Variants in LMX1A observed in about 807,000 individuals in gnomAD.
The protein encoded by LMX1A is LIM homeobox transcription factor 1-alpha.
In LMX1A, 15 loss-of-function variants were observed where a neutral mutation model predicts 49.1. That is an observed-to-expected ratio of 0.31 (90% CI 0.20 to 0.47). LMX1A has a LOEUF of 0.47. LMX1A is among the 20% of genes least tolerant of loss of function. The pLI is 1.00. For missense variants in LMX1A, 372 were observed against 475.8 expected (o/e 0.78, Z 2.03); for synonymous variants, 167 against 185.7 (o/e 0.90, Z 0.82).
In LMX1A at chr1:165,304,703, C is replaced by T. The variant is rs570853675; in HGVS notation, c.263+48373G>A. ...CCAAGGATCTCCATGATCTGACCCT[C>T]GTTGCCCTTCCCTGCCTCATCACCT... On this transcript the variant is annotated intron_variant, in intron 3 of 8. Coordinates refer to ENST00000342310, the MANE Select transcript of LMX1A (RefSeq NM_177398.4). 3.9e-4 allele frequency among the ~76,000 whole-genome samples: 60 copies of T among 152,330 alleles called. 1 individual carries two copies. In the South Asian group the frequency reaches 0.011, roughly 28 times the overall value.
intron 3 of LMX1A, among the ~76,000 whole-genome samples, chr1:165,292,434 G>A (rs1436504850): frequency 6.6e-6 from 1 of 152,160 alleles, no homozygotes; most frequent in East Asian, 1.9e-4. Context: ...TGTATCAAAA[G>A]GCAGTGAGGG....
intron 3 of LMX1A, among the ~76,000 whole-genome samples, chr1:165,283,829 C>T (rs1654224780): frequency 6.6e-6 from 1 of 152,212 alleles, no homozygotes; most frequent in Non-Finnish European, 1.5e-5. Flanking sequence ...GTTTTTAACA[C>T]ATCAGGCGGG....
At chr1:165,339,975 C>A (rs942012529) in intron 3 of LMX1A, among the ~76,000 whole-genome samples, 3 of 152,172 alleles carry the variant, frequency 2.0e-5, no homozygotes, top group African/African-American at 7.2e-5. Context: ...CTTTGCCCCC[C>A]ATCTTTTTCT....
At chr1:165,255,372 C>A (rs371885189) in intron 3 of LMX1A, among the ~76,000 whole-genome samples, 1 of 152,228 alleles carries the variant, frequency 6.6e-6, no homozygotes, top group Non-Finnish European at 1.5e-5. Context: ...GCCTTGCTTA[C>A]ATCTCTTCTT....
chr1:165,202,726 C>T lies in LMX1A; in HGVS notation c.*1154G>A, dbSNP rs1271922384. ...CCTTCACCTCCTCCCCACTCTGGGACTCTGGGATCCCTCTGAACTGCTCTG... is the reference window on the plus strand; with the variant it reads ...CCTTCACCTCCTCCCCACTCTGGGATTCTGGGATCCCTCTGAACTGCTCTG... On this transcript the variant is annotated 3_prime_UTR_variant, in exon 9 of 9. Coordinates refer to ENST00000342310, the MANE Select transcript of LMX1A (RefSeq NM_177398.4). 3 of 152,546 alleles carry T rather than the reference C, an allele frequency of 2.0e-5. No individual in the cohort carries two copies. Among genetic ancestry groups the T allele is most frequent in the Non-Finnish European group, 4.4e-5 (3 of 68,232 alleles). The allele number at this position is 152,546 out of a possible 1,614,324, so 9.4% of individuals were successfully genotyped here.
chr1:165,292,111 T>C (rs556873187), intron 3 of LMX1A, among the ~76,000 whole-genome samples: 1 of 146,838 alleles, frequency 6.8e-6, no homozygotes, highest in African/African-American at 2.5e-5. Flanking sequence ...CTGCTCACCA[T>C]GGACTAAGGC....
intron 3 of LMX1A, among the ~76,000 whole-genome samples, chr1:165,325,465 G>A (rs61803174): frequency 0.14 from 916 of 6,662 alleles, 7 homozygotes; most frequent in Middle Eastern, 0.4. Flanking sequence ...ATACATATGT[G>A]TGTGTGTGTG....
chr1:165,333,808 T>C (rs1311107206), intron 3 of LMX1A, among the ~76,000 whole-genome samples: 1 of 152,138 alleles, frequency 6.6e-6, no homozygotes, highest in Admixed American at 6.5e-5. Flanking sequence ...ATGACCGCCC[T>C]GGATCTTGGG....
At chr1:165,252,553 G>GT (rs1355291316) in intron 3 of LMX1A, among the ~76,000 whole-genome samples, 3 of 152,132 alleles carry the variant, frequency 2.0e-5, no homozygotes, top group Non-Finnish European at 2.9e-5. Flanking sequence ...AAATAAAGAG[G>GT]TTTTTTTCTT....
At chr1:165,317,193 T>G (rs1655253121) in intron 3 of LMX1A, among the ~76,000 whole-genome samples, 1 of 151,960 alleles carries the variant, frequency 6.6e-6, no homozygotes, top group Non-Finnish European at 1.5e-5. Context: ...ACAAGGAGAG[T>G]AGAGAGGTGA....
At chr1:165,242,061 G>C (rs1652675232) in intron 4 of LMX1A, among the ~76,000 whole-genome samples, 1 of 152,236 alleles carries the variant, frequency 6.6e-6, no homozygotes, top group African/African-American at 2.4e-5. Context: ...GGAAGTTGAT[G>C]CTTCTTTGCC....
At chr1:165,209,962 G>A (rs1403876129) in intron 6 of LMX1A, among the ~76,000 whole-genome samples, 1 of 152,214 alleles carries the variant, frequency 6.6e-6, no homozygotes, top group Non-Finnish European at 1.5e-5. Context: ...CAGAATTAGA[G>A]GACACCCAGT....
chr1:165,269,836 C>A (rs192256069), intron 3 of LMX1A, among the ~76,000 whole-genome samples: 2 of 152,164 alleles, frequency 1.3e-5, no homozygotes, highest in Admixed American at 1.3e-4. Flanking sequence ...AAGTGGGAGC[C>A]AAACAAGGAG....
At chr1:165,325,638 C>A (rs1655554423) in intron 3 of LMX1A, among the ~76,000 whole-genome samples, 1 of 152,034 alleles carries the variant, frequency 6.6e-6, no homozygotes, top group African/African-American at 2.4e-5. Context: ...TCAATAAAGT[C>A]TCTCTAATTA....
chr1:165,236,449 G>A (rs1571167989), intron 4 of LMX1A, among the ~76,000 whole-genome samples: 1 of 151,796 alleles, frequency 6.6e-6, no homozygotes, highest in African/African-American at 2.4e-5. Flanking sequence ...GAGATGCCGG[G>A]TCAAATACAG....
chr1:165,263,871 G>A (rs930087851), intron 3 of LMX1A, among the ~76,000 whole-genome samples: 1 of 152,134 alleles, frequency 6.6e-6, no homozygotes, highest in Non-Finnish European at 1.5e-5. Flanking sequence ...CTCATCAAAT[G>A]GTAGGATGGT....
chr1:165,266,069 G>A (rs1653610032), intron 3 of LMX1A, among the ~76,000 whole-genome samples: 1 of 152,148 alleles, frequency 6.6e-6, no homozygotes, highest in Non-Finnish European at 1.5e-5. Context: ...TACTACTGCA[G>A]GTTCTAGGAA....
At chr1:165,234,286 G>C (rs965289929) in intron 4 of LMX1A, among the ~76,000 whole-genome samples, 1 of 151,852 alleles carries the variant, frequency 6.6e-6, no homozygotes, top group African/African-American at 2.4e-5. Flanking sequence ...TCATTTCATC[G>C]CCGGCAAGTT....
chr1:165,229,194 T>C (rs2102618823), intron 4 of LMX1A, among the ~76,000 whole-genome samples: 1 of 151,652 alleles, frequency 6.6e-6, no homozygotes, highest in African/African-American at 2.4e-5. Context: ...GAATCAGATC[T>C]CAATTTTGGA....
Sources: gnomAD v4.1 joint callset for allele counts (sites outside exome capture counted in the v4.1 genomes callset) on GRCh38, gnomAD v4.1.1 for gene constraint, MANE v1.5 for transcripts, NCBI Gene and HGNC (gene_info 2026-07-23, HGNC 2026-07-21) for gene names.